The following MROH2A variants were observed in gnomAD, a reference collection of about 807,000 sequenced individuals.
MROH2A encodes maestro heat-like repeat-containing protein family member 2A.
Under a neutral mutation model 200.4 loss-of-function variants are expected in MROH2A, and 174 were observed. The observed-to-expected ratio is 0.87, with a 90% confidence interval of 0.77 to 0.98. The LOEUF (loss-of-function observed/expected upper bound fraction) is 0.98, where lower values mean the gene tolerates loss of function less well. MROH2A is among the 50% of genes least tolerant of loss of function. The probability of loss-of-function intolerance (pLI) is 0.00; values close to 1 mark genes in which losing one functional copy is unlikely to be tolerated. For synonymous variants in MROH2A, 829 were observed against 840.4 expected, an observed-to-expected ratio of 0.99 and a Z score of 0.23; for missense variants, 2,045 against 2,139.6, an observed-to-expected ratio of 0.96 and a Z score of 0.87.
At chr2:233,813,030 G>A (rs1575981429) in intron 24 of MROH2A, among the ~76,000 whole-genome samples, 1 of 152,198 alleles carries the variant, frequency 6.6e-6, no homozygotes, top group Non-Finnish European at 1.5e-5. Flanking sequence ...AGATCCTGGG[G>A]CTTGGACGTG....
upstream of MROH2A, among the ~76,000 whole-genome samples, chr2:233,776,547 G>A (rs1700712656): frequency 6.6e-6 from 1 of 151,760 alleles, no homozygotes; most frequent in Non-Finnish European, 1.5e-5. Context: ...TTTTTTAGTA[G>A]AGACAGCGTT....
At chr2:233,801,168 G>C (rs1044402347) in intron 14 of MROH2A, among the ~76,000 whole-genome samples, 1 of 152,220 alleles carries the variant, frequency 6.6e-6, no homozygotes, top group Non-Finnish European at 1.5e-5. Context: ...GTAAACAATA[G>C]ATCCAGGATT....
rs1285264700 is a variant in MROH2A at position 233,788,065 on chromosome 2, ATATATATACATATATAT to A, written c.277-1416_277-1400del. 1.5e-4 allele frequency among the ~76,000 whole-genome samples: 9 copies of A among 61,522 alleles called. 1 individual carries two copies. Among genetic ancestry groups the A allele is most frequent in the South Asian group, 4.5e-4 (1 of 2,212 alleles). The allele number at this position is 61,522 out of a possible 152,430, so 40.4% of individuals were successfully genotyped here. A position where few individuals can be genotyped will look rare whatever the true frequency, so the allele number is the denominator to read the frequency against. On this transcript the variant is annotated intron_variant, in intron 3 of 41. Transcript: ENST00000389758. Reference sequence around the variant, plus strand: ...CATATATATTATATATACATATATTATATATATACATATATATTATATATACATATATTATATATACA... The same window carrying A: ...CATATATATTATATATACATATATTATATATATACATATATTATATATACA...
chr2:233,789,567 A>C lies in MROH2A; in HGVS notation c.347A>C (p.Glu116Ala). Residue 116 changes from glutamate to alanine, a missense_variant, in exon 4 of 42, where the codon GAG becomes GCG. By Grantham distance (107) the Glu-to-Ala change is moderately radical (BLOSUM62 -1). This residue lies in a region of MROH2A where 831 missense variants were observed against 800.0 expected (regional missense o/e 1.04). Transcript: ENST00000389758. ...ATCATCCAGCAGGAGGGGGAGCTGG[A>C]GGAGCAGTGCGTGCAGAGGCTGGTG... ...QDIIQQEGEL[E>A]EQCVQRLVAI... 2 of 1,497,096 alleles carry C rather than the reference A, an allele frequency of 1.3e-6. No homozygotes were observed. Among genetic ancestry groups the C allele is most frequent in the Non-Finnish European group, 1.8e-6 (2 of 1,122,158 alleles). The allele number at this position is 1,497,096 out of a possible 1,614,324, so 92.7% of individuals were successfully genotyped here.
At chr2:233,827,883 A>C (rs545797565) in intron 35 of MROH2A, among the ~76,000 whole-genome samples, 64 of 152,210 alleles carry the variant, frequency 4.2e-4, no homozygotes, top group African/African-American at 1.5e-3. Context: ...AAGAGCATTT[A>C]AAATAGGTTG....
intron 31 of MROH2A, among the ~76,000 whole-genome samples, chr2:233,821,548 C>T (rs1419288017): frequency 6.6e-6 from 1 of 152,208 alleles, no homozygotes; most frequent in Non-Finnish European, 1.5e-5. Flanking sequence ...TAGAACCTCC[C>T]AGATGCCCCG....
chr2:233,804,525 C>T lies in MROH2A; in HGVS notation c.1922C>T (p.Ala641Val). 1.3e-6 allele frequency: 2 copies of T among 1,551,214 alleles called. No homozygotes were observed. The highest frequency in any genetic ancestry group is 1.7e-6 in the Non-Finnish European group (2 of 1,147,124). ...ACTGAGTTCACTTGGGATCAGAAAG[C>T]CTGGGAAGACAAGCTGATTCAGGTA... The part of the protein sequence containing the change: ...EHTEFTWDQK[A>V]WEDKLIQFLR... The change falls in exon 18 of 42, where the codon GCC becomes GTC. Residue 641 changes from alanine to valine, a missense_variant. Physicochemically the swap from Ala to Val is moderately conservative, Grantham distance 64 (BLOSUM62 0). Coordinates refer to ENST00000389758, the MANE Select transcript of MROH2A (RefSeq NM_001394639.1).
chr2:233,818,764 C>T lies in MROH2A; in HGVS notation c.3198C>T (p.Ile1066=), dbSNP rs11563102. The T allele has an allele frequency of 1.1e-5, 17 of 1,543,272 alleles. No individual in the cohort carries two copies. Among genetic ancestry groups the T allele is most frequent in the East Asian group, 2.4e-5 (1 of 40,826 alleles). Residue 1066 remains isoleucine, a synonymous_variant, in exon 29 of 42, where the codon ATC becomes ATT. Transcript: ENST00000389758. ...VEKIFCASSR[I]AKVVCMEFSC... Reference sequence around the variant, plus strand: ...AGATCTTCTGTGCATCCTCCAGAATCGCCAAGGTGACAGCCGGGGAGCCTG... The same window carrying T: ...AGATCTTCTGTGCATCCTCCAGAATTGCCAAGGTGACAGCCGGGGAGCCTG...
rs1012765310 is a variant in MROH2A at position 233,807,766 on chromosome 2, G to A, written c.2206G>A (p.Gly736Ser). 1.9e-6 allele frequency: 3 copies of A among 1,550,604 alleles called. No homozygotes were observed. The highest frequency in any genetic ancestry group is 1.2e-5 in the South Asian group (1 of 84,062). Residue 736 changes from glycine to serine, a missense_variant, in exon 21 of 42, where the codon GGC becomes AGC. By Grantham distance (56) the Gly-to-Ser change is moderately conservative. Transcript: ENST00000389758. This position sits in a 1 kb window ranked among gnomAD's most constrained non-coding sequence, Gnocchi z 4.3. ...TATGTGCTTTGGCCTGTGTGCCCGGGGCCAGGTAAAAACGGTGCTGAATGT... is the reference window on the plus strand; with the variant it reads ...TATGTGCTTTGGCCTGTGTGCCCGGAGCCAGGTAAAAACGGTGCTGAATGT... Reference protein sequence around the residue: ...VIMCFGLCARGQVKTVLNVLH... With the variant: ...VIMCFGLCARSQVKTVLNVLH...
Position 233,820,012 on chromosome 2 carries a change from G to A in MROH2A, c.3468G>A (p.Glu1156=). 1 of 1,545,456 alleles carries A rather than the reference G, an allele frequency of 6.5e-7. No individual in the cohort carries two copies. Among genetic ancestry groups the A allele is most frequent in the Non-Finnish European group, 8.7e-7 (1 of 1,143,380 alleles). Residue 1156 remains glutamate, a synonymous_variant, in exon 31 of 42, where the codon GAG becomes GAA. Coordinates refer to ENST00000389758, the MANE Select transcript of MROH2A (RefSeq NM_001394639.1). The surrounding 1 kb of genome is among the most constrained non-coding windows in gnomAD (Gnocchi z 4.1). ...TGCTGCTGGCGCACCACCACCAGGAGACCATCCTCACATCGCTCCTGAGGC... is the reference window on the plus strand; with the variant it reads ...TGCTGCTGGCGCACCACCACCAGGAAACCATCCTCACATCGCTCCTGAGGC... ...GILLLAHHHQ[E]TILTSLLRQP...
chr2:233,804,734 G>C (rs150930671), intron 18 of MROH2A, among the ~76,000 whole-genome samples, 187 bp downstream of exon 18: 130 of 152,288 alleles, frequency 8.5e-4, no homozygotes, highest in Middle Eastern at 3.4e-3. Context: ...AGAACTGAGA[G>C]AACCTTCCAT....
In MROH2A at chr2:233,807,646, G is replaced by A. The variant is rs1479135472; in HGVS notation, c.2173-87G>A. On this transcript the variant is annotated intron_variant, in intron 20 of 41. Transcript: ENST00000389758. This position sits in a 1 kb window ranked among gnomAD's most constrained non-coding sequence, Gnocchi z 4.3. ...GCGTTTTGTGTGTGTGTGTGTACAT[G>A]TGTGTGTGCCTTGCACGTGTGTGTG... is the stretch of plus-strand genomic sequence containing the variant. 1.3e-6 allele frequency: 2 copies of A among 1,546,022 alleles called. No homozygotes were observed. The highest frequency in any genetic ancestry group is 2.7e-5 in the African/African-American group (2 of 72,892).
chr2:233,822,306 A>G, intron 32 of MROH2A, 23 bp downstream of exon 32: 1 of 1,548,270 alleles, frequency 6.5e-7, no homozygotes, highest in Non-Finnish European at 8.7e-7. Context: ...CGCAGGCCCC[A>G]AGGCTCCTCA....
At chr2:233,781,859 T>G (rs2126080731) in intron 3 of MROH2A, among the ~76,000 whole-genome samples, 1 of 152,346 alleles carries the variant, frequency 6.6e-6, no homozygotes, top group Non-Finnish European at 1.5e-5. Flanking sequence ...GTTTCAGGTC[T>G]TGGATTTAAG....
In MROH2A at chr2:233,813,919, G is replaced by A; in HGVS notation, c.2760+141G>A. ...AGTGTAGCAAGCTCTATCAGTAAAT[G>A]TAAGGTAATGCTAGCTGTTGAAACA... On this transcript the variant is annotated intron_variant, in intron 25 of 41. Coordinates refer to ENST00000389758, the MANE Select transcript of MROH2A (RefSeq NM_001394639.1). The A allele has an allele frequency of 9.5e-6, 5 of 524,568 alleles. No homozygotes were observed. In the Middle Eastern group the frequency reaches 1.5e-3, roughly 158 times the overall value. The allele number at this position is 524,568 out of a possible 1,614,324, so 32.5% of individuals were successfully genotyped here.
In MROH2A at chr2:233,828,878, A is replaced by G. The variant is rs2124918734; in HGVS notation, c.4264-12A>G. 2 of 1,550,398 alleles carry G rather than the reference A, an allele frequency of 1.3e-6. No homozygotes were observed. Among genetic ancestry groups the G allele is most frequent in the East Asian group, 2.4e-5 (1 of 40,896 alleles). On this transcript the variant is annotated splice_polypyrimidine_tract_variant and intron_variant, in intron 36 of 41. Transcript: ENST00000389758. The surrounding 1 kb of genome is among the most constrained non-coding windows in gnomAD (Gnocchi z 4.6). ...GGAGGGTGCAGGCTGAGGGCTGCCC[A>G]TGCCCCTCCAGGTGAAGCAGTACCG...
chr2:233,802,518 T>C (rs741157), intron 15 of MROH2A: 155,074 of 577,474 alleles, frequency 0.27, 24,440 homozygotes, highest in African/African-American at 0.51. Context: ...TTGTGTAAAC[T>C]TCCTTTGGAT....
At chr2:233,830,625 TGGCCCAGGTGGGATGGCC>T (rs1704667985) in intron 38 of MROH2A, among the ~76,000 whole-genome samples, 4 of 149,674 alleles carry the variant, frequency 2.7e-5, no homozygotes, top group Non-Finnish European at 5.9e-5. Flanking sequence ...ATGGCCCAGG[TGGCCCAGGTGGGATGGCC>T]CTGGTGGCCC....
At chr2:233,826,144 C>T (rs915914880) in intron 35 of MROH2A, among the ~76,000 whole-genome samples, 2 of 152,074 alleles carry the variant, frequency 1.3e-5, no homozygotes, top group African/African-American at 2.4e-5. Flanking sequence ...AGGATGGTCT[C>T]GATCTCTTGA....
Sources: gnomAD v4.1 joint callset for allele counts (sites outside exome capture counted in the v4.1 genomes callset) on GRCh38, gnomAD v4.1.1 for gene constraint, gnomAD v4.1.1 regional missense constraint, Gnocchi (gnomAD v3.1) non-coding constraint, MANE v1.5 for transcripts, NCBI Gene and HGNC (gene_info 2026-07-23, HGNC 2026-07-21) for gene names.